The following CEP112 variants were observed in gnomAD, a reference collection of about 807,000 sequenced individuals.
The protein encoded by CEP112 is centrosomal protein of 112 kDa.
Under a neutral mutation model 153.0 loss-of-function variants are expected in CEP112, and 127 were observed. The ratio of observed to expected loss-of-function variants is 0.83; its 90% CI spans 0.72 to 0.96. CEP112 has a LOEUF of 0.96. Ranked by LOEUF, CEP112 falls within the 40% of genes least tolerant of loss-of-function variation. The pLI, the probability that CEP112 is intolerant of heterozygous loss-of-function variation, is 0.00. For synonymous variants in CEP112, 358 were observed against 374.4 expected (o/e 0.96, Z 0.51); for missense variants, 1,089 against 1,101.2 (o/e 0.99, Z 0.16).
intron 6 of CEP112, among the ~76,000 whole-genome samples, chr17:66,118,547 T>A (rs1474130481): frequency 6.6e-6 from 1 of 152,062 alleles, no homozygotes; most frequent in Non-Finnish European, 1.5e-5. Context: ...AGAATGATGG[T>A]TACCAGAGGC....
At chr17:66,109,672 A>C (rs992949561) in intron 6 of CEP112, among the ~76,000 whole-genome samples, 1 of 152,194 alleles carries the variant, frequency 6.6e-6, no homozygotes, top group African/African-American at 2.4e-5. Context: ...CATTTTGGAC[A>C]GTCTCGATGT....
intron 20 of CEP112, among the ~76,000 whole-genome samples, chr17:65,859,377 T>C (rs2058227638): frequency 6.8e-6 from 1 of 146,544 alleles, no homozygotes; most frequent in Non-Finnish European, 1.5e-5. Flanking sequence ...GAGGCGGAGG[T>C]TGTAGTGAGC....
intron 20 of CEP112, among the ~76,000 whole-genome samples, chr17:65,879,176 G>C (rs1057171755): frequency 1.3e-5 from 2 of 152,216 alleles, no homozygotes; most frequent in African/African-American, 4.8e-5. Context: ...CCTGAATTAT[G>C]TTGTAGGCCC....
At chr17:65,903,556 C>G (rs1377011305) in intron 19 of CEP112, among the ~76,000 whole-genome samples, 1 of 152,122 alleles carries the variant, frequency 6.6e-6, no homozygotes, top group Non-Finnish European at 1.5e-5. Context: ...GGGTACCATT[C>G]CTTCTGAAAC....
In CEP112 at chr17:66,170,352, T is replaced by G. The variant is rs186668293; in HGVS notation, c.470+4692A>C. ...TATTGATATAGCTCATGATTGTAGA[T>G]CTAAATGAAATTAACCAAACTATAC... On this transcript the variant is annotated intron_variant, in intron 4 of 26. Transcript: ENST00000535342. 3.3e-5 allele frequency among the ~76,000 whole-genome samples: 5 copies of G among 152,280 alleles called. No individual in the cohort carries two copies. The East Asian group carries it at 5.8e-4, about 18-fold the overall frequency.
intron 21 of CEP112, among the ~76,000 whole-genome samples, chr17:65,788,201 G>A (rs187248907): frequency 9.2e-5 from 14 of 152,228 alleles, no homozygotes; most frequent in Non-Finnish European, 1.8e-4. Context: ...CAACGTGATG[G>A]ATTATATTAA....
At chr17:66,015,352 T>G (rs1179221695) in intron 16 of CEP112, among the ~76,000 whole-genome samples, 1 of 151,528 alleles carries the variant, frequency 6.6e-6, no homozygotes, top group Non-Finnish European at 1.5e-5. Flanking sequence ...TATTTTAATT[T>G]TGGCATTCAC....
At chr17:65,710,967 T>C (rs1403797185) in intron 23 of CEP112, among the ~76,000 whole-genome samples, 1 of 152,158 alleles carries the variant, frequency 6.6e-6, no homozygotes, top group East Asian at 1.9e-4. Flanking sequence ...CACAAACAGG[T>C]TCATGTAATG....
At chr17:66,101,029 T>A (rs1022274965) in intron 6 of CEP112, among the ~76,000 whole-genome samples, 1 of 152,144 alleles carries the variant, frequency 6.6e-6, no homozygotes, top group African/African-American at 2.4e-5. Context: ...TACTGAGAGA[T>A]GACTGTACAA....
At chr17:66,015,072 C>T (rs1461230542) in intron 16 of CEP112, among the ~76,000 whole-genome samples, 1 of 152,136 alleles carries the variant, frequency 6.6e-6, no homozygotes, top group Non-Finnish European at 1.5e-5. Flanking sequence ...ACTAATGATG[C>T]CATAAATATT....
At chr17:66,133,226 T>A (rs2070280669) in intron 4 of CEP112, among the ~76,000 whole-genome samples, 1 of 152,220 alleles carries the variant, frequency 6.6e-6, no homozygotes, top group Non-Finnish European at 1.5e-5. Context: ...ATAAATCACC[T>A]GTATTTAAAT....
At position 65,734,950 on chromosome 17, in the gene CEP112, G is replaced by GA. The variant is rs892104812; in HGVS notation, c.2607+8117_2607+8118insT. 2.0e-5 allele frequency among the ~76,000 whole-genome samples: 3 copies of GA among 152,094 alleles called. No homozygotes were observed. The East Asian group carries it at 5.8e-4, about 29-fold the overall frequency. ...TTGAATGGATCTTTTACTCAGGCAT[G>GA]GTTTTGTAACATCAGGTGTTTGTCA... is the stretch of plus-strand genomic sequence containing the variant. On this transcript the variant is annotated intron_variant, in intron 23 of 26. Coordinates refer to ENST00000535342, the MANE Select transcript of CEP112 (RefSeq NM_001199165.4).
intron 21 of CEP112, among the ~76,000 whole-genome samples, chr17:65,777,143 T>C (rs548813800): frequency 1.3e-5 from 2 of 152,262 alleles, no homozygotes; most frequent in South Asian, 4.1e-4. Context: ...TCTGGAAACT[T>C]CCTTTTGAGG....
At chr17:65,788,946 T>C (rs1412256145) in intron 21 of CEP112, among the ~76,000 whole-genome samples, 1 of 152,210 alleles carries the variant, frequency 6.6e-6, no homozygotes, top group Admixed American at 6.5e-5. Context: ...TAGCTGGTTT[T>C]AAATAATTGC....
intron 19 of CEP112, among the ~76,000 whole-genome samples, chr17:65,927,228 T>C (rs1421139074): frequency 6.6e-6 from 1 of 152,194 alleles, no homozygotes; most frequent in African/African-American, 2.4e-5. Flanking sequence ...CCTTCTGCCA[T>C]GATTGGGAGC....
chr17:65,679,137 T>TTTTTTTTTTTTC (rs2047385409), intron 24 of CEP112, among the ~76,000 whole-genome samples: 1 of 76,856 alleles, frequency 1.3e-5, no homozygotes, highest in Non-Finnish European at 2.5e-5. Context: ...AGCTTTTTTT[T>TTTTTTTTTTTTC]TTTTTTTTTT....
At chr17:65,993,733 G>A (rs755806065) in intron 17 of CEP112, among the ~76,000 whole-genome samples, 2 of 152,064 alleles carry the variant, frequency 1.3e-5, no homozygotes, top group Non-Finnish European at 2.9e-5. Flanking sequence ...GAGCAAAAGA[G>A]GCCAGGCACA....
chr17:65,658,033 A>C (rs2046145983), intron 24 of CEP112, among the ~76,000 whole-genome samples: 1 of 152,252 alleles, frequency 6.6e-6, no homozygotes, highest in African/African-American at 2.4e-5. Flanking sequence ...TGAACACCTT[A>C]TATGTGCCAG....
intron 2 of CEP112, among the ~76,000 whole-genome samples, chr17:66,179,401 T>G (rs989744503): frequency 6.6e-6 from 1 of 152,128 alleles, no homozygotes; most frequent in Non-Finnish European, 1.5e-5. Context: ...ATTATAGAGA[T>G]CTTTCACTTC....
Sources: allele counts gnomAD v4.1 joint callset (sites outside exome capture counted in the v4.1 genomes callset), GRCh38; gene constraint gnomAD v4.1.1; transcripts MANE v1.5; gene names NCBI Gene and HGNC (gene_info 2026-07-23, HGNC 2026-07-21).